SPATA16: variants seen among roughly 807,000 people sequenced by gnomAD.
The protein encoded by SPATA16 is spermatogenesis associated 16.
A neutral mutation model predicts 63.3 loss-of-function variants in SPATA16; 36 were observed. The ratio of observed to expected loss-of-function variants is 0.57; its 90% CI spans 0.44 to 0.75. SPATA16 has a LOEUF of 0.75. SPATA16 is among the 30% of genes least tolerant of loss of function. SPATA16 has a pLI of 0.00. For synonymous variants in SPATA16, 203 were observed against 216.7 expected (o/e 0.94, Z 0.56); for missense variants, 646 against 679.3 (o/e 0.95, Z 0.54).
chr3:173,087,568 A>G (rs1034583427), intron 2 of SPATA16, among the ~76,000 whole-genome samples: 3 of 152,156 alleles, frequency 2.0e-5, no homozygotes, highest in Admixed American at 2.0e-4. Context: ...GGTCATCATG[A>G]TGCTAGCTGG....
chr3:172,931,860 T>G (rs746757616), intron 6 of SPATA16, among the ~76,000 whole-genome samples: 9 of 152,204 alleles, frequency 5.9e-5, no homozygotes, highest in Admixed American at 3.9e-4. Context: ...GAGTAGATGC[T>G]CAAATGAACA....
rs1020343775 is a variant in SPATA16 at position 173,140,997 on chromosome 3, T to C, written c.-19+106A>G. On this transcript the variant is annotated intron_variant, in intron 1 of 10. Transcript: ENST00000351008. ...GGCAGGAAGAAAGGAGCTCCTGTTT[T>C]CCCAGCTTACTCCATCTTCACCTGA... is the stretch of plus-strand genomic sequence containing the variant. 82 of 152,368 alleles carry C rather than the reference T, an allele frequency of 5.4e-4. 1 individual carries two copies. Among genetic ancestry groups the C allele is most frequent in the Middle Eastern group, 3.4e-3 (1 of 294 alleles). 9.4% of individuals were successfully genotyped at this position (152,368 alleles called of 1,614,324 possible).
At chr3:172,900,029 T>G (rs886273377) in intron 10 of SPATA16, among the ~76,000 whole-genome samples, 1 of 152,038 alleles carries the variant, frequency 6.6e-6, no homozygotes, top group African/African-American at 2.4e-5. Flanking sequence ...GCTTACTGTG[T>G]TCTCTCAGCC....
At position 173,016,187 on chromosome 3, in the gene SPATA16, C is replaced by T. The variant is rs1328350464; in HGVS notation, c.848+3299G>A. Among the ~76,000 whole-genome samples the T allele has an allele frequency of 2.0e-5, 3 of 152,108 alleles. No homozygotes were observed. The South Asian group carries it at 6.2e-4, about 32-fold the overall frequency. ...ATAATAAAATATCTCCATTTTTGTT[C>T]AATTTCTATAATTTATGTATTCTTA... On this transcript the variant is annotated intron_variant, in intron 4 of 10. Transcript: ENST00000351008.
intron 2 of SPATA16, among the ~76,000 whole-genome samples, chr3:173,084,823 G>A (rs1014196021): frequency 6.6e-6 from 1 of 152,056 alleles, no homozygotes; most frequent in Non-Finnish European, 1.5e-5. Flanking sequence ...AAGATCAGAT[G>A]TTGTACATAT....
At chr3:173,115,852 A>C (rs1429498613) in intron 2 of SPATA16, among the ~76,000 whole-genome samples, 1 of 150,106 alleles carries the variant, frequency 6.7e-6, no homozygotes, top group Non-Finnish European at 1.5e-5. Context: ...ACTCCTGCTC[A>C]CTCTCATCAC....
Position 172,904,692 on chromosome 3 carries a change from G to T in SPATA16, c.1587+8969C>A, listed in dbSNP as rs183129563. 2.0e-5 allele frequency among the ~76,000 whole-genome samples: 3 copies of T among 152,330 alleles called. No homozygotes were observed. The East Asian group carries it at 5.8e-4, about 29-fold the overall frequency. ...ATACTTTTCCCTGGAAGTCAGAGGA[G>T]AAAGATGTTGGTTTAAATTATAATT... On this transcript the variant is annotated intron_variant, in intron 10 of 10. Coordinates refer to ENST00000351008, the MANE Select transcript of SPATA16 (RefSeq NM_031955.6).
chr3:172,972,539 C>A (rs1329986741), intron 5 of SPATA16, among the ~76,000 whole-genome samples: 1 of 152,116 alleles, frequency 6.6e-6, no homozygotes, highest in East Asian at 1.9e-4. Context: ...AAAGAAAACT[C>A]CTTCTTAGAA....
chr3:172,948,905 A>G (rs1307279701), intron 6 of SPATA16, among the ~76,000 whole-genome samples: 1 of 152,266 alleles, frequency 6.6e-6, no homozygotes, highest in East Asian at 1.9e-4. Context: ...GAAGTCAGAT[A>G]CAAAAGAGCA....
At position 172,896,906 on chromosome 3, in the gene SPATA16, TA is replaced by T. The variant is rs201754228; in HGVS notation, c.1588-7215del. 3.3e-3 allele frequency among the ~76,000 whole-genome samples: 504 copies of T among 151,834 alleles called. 4 individuals are homozygous for T. Among genetic ancestry groups the T allele is most frequent in the African/African-American group, 0.011 (464 of 41,442 alleles). On this transcript the variant is annotated intron_variant, in intron 10 of 10. Coordinates refer to ENST00000351008, the MANE Select transcript of SPATA16 (RefSeq NM_031955.6). ...TGCTGAGCTTTTTTTCATCCTTTTTTATTTTTTTAACAGAGTCCTTCCACAG... is the reference window on the plus strand; with the variant it reads ...TGCTGAGCTTTTTTTCATCCTTTTTTTTTTTTTAACAGAGTCCTTCCACAG...
At chr3:172,892,586 A>G (rs1054152937) in intron 10 of SPATA16, among the ~76,000 whole-genome samples, 3 of 152,198 alleles carry the variant, frequency 2.0e-5, no homozygotes, top group African/African-American at 2.4e-5. Flanking sequence ...GAGCTGCAAC[A>G]TGTTTTTTAG....
chr3:172,921,177 C>A (rs1291685408), intron 8 of SPATA16, among the ~76,000 whole-genome samples: 1 of 151,510 alleles, frequency 6.6e-6, no homozygotes, highest in African/African-American at 2.4e-5. Flanking sequence ...GCTGGGATTA[C>A]AGGCAATTTT....
chr3:173,134,506 G>T (rs930489391), intron 1 of SPATA16, among the ~76,000 whole-genome samples: 1 of 151,026 alleles, frequency 6.6e-6, no homozygotes, highest in African/African-American at 2.5e-5. Flanking sequence ...AAAAAAAAAA[G>T]TAAGCCATTG....
intron 10 of SPATA16, among the ~76,000 whole-genome samples, chr3:172,897,067 T>C (rs1732024302): frequency 6.6e-6 from 1 of 152,188 alleles, no homozygotes; most frequent in African/African-American, 2.4e-5. Flanking sequence ...TTTTATAGTT[T>C]TACATTTTGC....
intron 2 of SPATA16, among the ~76,000 whole-genome samples, chr3:173,063,733 C>T (rs776387474): frequency 7.9e-5 from 12 of 152,130 alleles, no homozygotes; most frequent in South Asian, 2.1e-4. Context: ...TTTTTCATAA[C>T]GTCATTTTGC....
chr3:172,916,235 T>TCG, intron 9 of SPATA16, 82 bp downstream of exon 9: 2 of 1,425,734 alleles, frequency 1.4e-6, no homozygotes, highest in Admixed American at 3.6e-5. Flanking sequence ...CACAGGATTT[T>TCG]TTTTTTTTTT....
intron 3 of SPATA16, among the ~76,000 whole-genome samples, chr3:173,047,364 T>C (rs764605929): frequency 6.6e-6 from 1 of 151,998 alleles, no homozygotes; most frequent in Non-Finnish European, 1.5e-5. Context: ...CAAGAAATAT[T>C]TCTTTTAAAA....
rs745480161 is a variant in SPATA16 at position 172,977,039 on chromosome 3, C to T, written c.862G>A (p.Ala288Thr). 4 of 1,609,046 alleles carry T rather than the reference C, an allele frequency of 2.5e-6. No individual in the cohort carries two copies. The South Asian group carries it at 4.4e-5, about 18-fold the overall frequency. ...CCACCAAGCCAGAACATGTAGTCAG[C>T]AATCATGGCACTCCTAAGAACAAGG... The part of the protein sequence containing the change: ...YSEAARSAMI[A>T]DYMFWLGGGR... The change falls in exon 5 of 11, where the codon GCT (alanine) becomes ACT (threonine). Residue 288 changes from alanine (A) to threonine (T), a missense_variant. Ala to Thr is a moderately conservative substitution (Grantham distance 58). Coordinates refer to ENST00000351008, the MANE Select transcript of SPATA16 (RefSeq NM_031955.6).
At chr3:173,040,393 G>A (rs1735812272) in intron 3 of SPATA16, among the ~76,000 whole-genome samples, 1 of 152,106 alleles carries the variant, frequency 6.6e-6, no homozygotes, top group South Asian at 2.1e-4. Flanking sequence ...AGAAAAGGGA[G>A]GATTTCAGGT....
Sources: gnomAD v4.1 joint callset for allele counts (sites outside exome capture counted in the v4.1 genomes callset) on GRCh38, gnomAD v4.1.1 for gene constraint, MANE v1.5 for transcripts, NCBI Gene and HGNC (gene_info 2026-07-23, HGNC 2026-07-21) for gene names.